The following DLG2 variants were observed in gnomAD, a reference collection of about 807,000 sequenced individuals.
DLG2 encodes the protein discs large MAGUK scaffold protein 2, also known as disks large homolog 2.
DLG2 carries 45 observed loss-of-function variants against 132.5 expected under a neutral mutation model. The observed-to-expected ratio is 0.34, with a 90% CI of 0.27 to 0.44. The LOEUF (loss-of-function observed/expected upper bound fraction) is 0.44. Ranked by LOEUF, DLG2 falls within the 20% of genes least tolerant of loss-of-function variation. The pLI is 1.00. For missense variants in DLG2, 1,045 were observed against 1,196.9 expected (o/e 0.87, Z 1.87); for synonymous variants, 424 against 419.6 (o/e 1.01, Z -0.13).
intron 8 of DLG2, among the ~76,000 whole-genome samples, chr11:84,243,043 T>G (rs1035940605): frequency 1.4e-5 from 2 of 139,918 alleles, no homozygotes; most frequent in African/African-American, 5.4e-5. Flanking sequence ...ATATATACAC[T>G]CTCACATATA....
chr11:84,161,575 C>G (rs2095546753), intron 9 of DLG2, among the ~76,000 whole-genome samples: 1 of 152,130 alleles, frequency 6.6e-6, no homozygotes, highest in Non-Finnish European at 1.5e-5. Flanking sequence ...CTAGAACCCA[C>G]AGTTGTCTGA....
intron 21 of DLG2, among the ~76,000 whole-genome samples, chr11:83,503,366 CATTT>C (rs1256860326): frequency 6.4e-5 from 3 of 47,066 alleles, no homozygotes; most frequent in East Asian, 7.7e-4. Context: ...CACACACACC[CATTT>C]ATATATATAT....
chr11:84,967,517 A>C (rs1409896123), intron 6 of DLG2, among the ~76,000 whole-genome samples: 5 of 152,160 alleles, frequency 3.3e-5, no homozygotes, highest in Non-Finnish European at 7.4e-5. Context: ...GGCAGATAGA[A>C]AATGTGTTGA....
intron 3 of DLG2, among the ~76,000 whole-genome samples, chr11:85,289,663 A>G (rs2078771718): frequency 6.6e-6 from 1 of 152,102 alleles, no homozygotes; most frequent in Non-Finnish European, 1.5e-5. Flanking sequence ...CTTACGACAT[A>G]CCTGCTTTGA....
At chr11:85,564,709 T>C (rs1598558885) in intron 3 of DLG2, among the ~76,000 whole-genome samples, 1 of 152,008 alleles carries the variant, frequency 6.6e-6, no homozygotes. Context: ...TCCTTCTTTT[T>C]CAAAACTGCT....
At chr11:84,906,248 T>C (rs1196332387) in intron 6 of DLG2, among the ~76,000 whole-genome samples, 1 of 151,284 alleles carries the variant, frequency 6.6e-6, no homozygotes, top group Non-Finnish European at 1.5e-5. Flanking sequence ...TGTTTTTTTT[T>C]TTTTTACATC....
chr11:83,662,084 G>C (rs1441803921), intron 18 of DLG2, among the ~76,000 whole-genome samples: 1 of 152,084 alleles, frequency 6.6e-6, no homozygotes, highest in Admixed American at 6.5e-5. Context: ...TAAGGAAACA[G>C]CAGCAGAAAG....
intron 14 of DLG2, among the ~76,000 whole-genome samples, chr11:83,940,684 T>G (rs961445087): frequency 1.3e-5 from 2 of 152,180 alleles, no homozygotes; most frequent in African/African-American, 4.8e-5. Flanking sequence ...TACCTCCTAT[T>G]TTAAAGGCAA....
intron 15 of DLG2, among the ~76,000 whole-genome samples, chr11:83,890,545 T>C (rs955213525): frequency 1.3e-5 from 2 of 152,180 alleles, no homozygotes; most frequent in African/African-American, 4.8e-5. Flanking sequence ...TGGGAACCAA[T>C]GGACTTGGGT....
rs2089001279 is a variant in DLG2 at position 83,456,495 on chromosome 11, AT to A, written c.*3322del. 2.0e-5 allele frequency: 3 copies of A among 152,808 alleles called. No individual in the cohort carries two copies. In the Admixed American group the frequency reaches 2.0e-4, roughly 10 times the overall value. The allele number at this position is 152,808 out of a possible 1,614,324, so 9.5% of individuals were successfully genotyped here. ...GATGTACGGGAGAAGATGATCAGAG[AT>A]TTGAGGAGAGGAGAAAGGACAGAAG... is the stretch of plus-strand genomic sequence containing the variant. On this transcript the variant is annotated 3_prime_UTR_variant, in exon 28 of 28. Transcript: ENST00000376104.
chr11:84,201,274 C>A (rs762344103), intron 8 of DLG2, among the ~76,000 whole-genome samples: 1 of 152,272 alleles, frequency 6.6e-6, no homozygotes, highest in African/African-American at 2.4e-5. Context: ...TTGAACCAAT[C>A]TTTTACCCCA....
chr11:83,466,653 T>C, intron 26 of DLG2, 55 bp downstream of exon 26: 1 of 976,422 alleles, frequency 1.0e-6, no homozygotes, highest in Non-Finnish European at 1.6e-6. Flanking sequence ...TAATTTTCAG[T>C]ATAATACAGA....
intron 15 of DLG2, among the ~76,000 whole-genome samples, chr11:83,907,451 A>T (rs1256664596): frequency 5.3e-5 from 8 of 152,148 alleles, no homozygotes; most frequent in Non-Finnish European, 5.9e-5. Flanking sequence ...TTAGGATGAT[A>T]GCATCCCTGG....
chr11:84,098,954 C>T lies in DLG2; in HGVS notation c.718G>A (p.Gly240Arg). 1 of 1,613,560 alleles carries T rather than the reference C, an allele frequency of 6.2e-7. No homozygotes were observed. Among genetic ancestry groups the T allele is most frequent in the Non-Finnish European group, 8.5e-7 (1 of 1,179,792 alleles). The change falls in exon 10 of 28, where the codon GGA (glycine) becomes AGA (arginine). Residue 240 changes from glycine to arginine, a missense_variant. Around this residue, in one of 4 missense-constraint regions of DLG2, gnomAD observed 109 missense variants for 159.1 expected, o/e 0.69. Coordinates refer to ENST00000376104, the MANE Select transcript of DLG2 (RefSeq NM_001142699.3). Reference protein sequence around the residue: ...PGIFITKIIPGGAAAEDGRLR... With the variant: ...PGIFITKIIPRGAAAEDGRLR... ...CTGCCATCCTCTGCTGCAGCACCTC[C>T]TGGTATAATCTTCGTAATAAATATG... is the stretch of plus-strand genomic sequence containing the variant.
chr11:84,493,737 T>C (rs2099171608), intron 7 of DLG2, among the ~76,000 whole-genome samples: 1 of 152,000 alleles, frequency 6.6e-6, no homozygotes, highest in Non-Finnish European at 1.5e-5. Flanking sequence ...AGGATAATAA[T>C]CTCTACTTTT....
intron 6 of DLG2, among the ~76,000 whole-genome samples, chr11:84,755,005 G>C (rs1254457292): frequency 6.6e-6 from 1 of 152,150 alleles, no homozygotes; most frequent in Non-Finnish European, 1.5e-5. Context: ...TTCATAGGAT[G>C]TTATGAGAAA....
At chr11:85,210,661 C>T (rs2082196676) in intron 4 of DLG2, among the ~76,000 whole-genome samples, 1 of 152,134 alleles carries the variant, frequency 6.6e-6, no homozygotes, top group Non-Finnish European at 1.5e-5. Flanking sequence ...CCTCTGCATG[C>T]TCTGAGGCCA....
chr11:83,564,340 T>TG (rs908263879), intron 19 of DLG2, among the ~76,000 whole-genome samples: 402 of 151,798 alleles, frequency 2.6e-3, no homozygotes, highest in African/African-American at 7.9e-3. Flanking sequence ...TGCACTGGAA[T>TG]GGGGGGGGTC....
intron 6 of DLG2, among the ~76,000 whole-genome samples, chr11:85,053,118 C>T (rs1377328955): frequency 1.3e-5 from 2 of 152,026 alleles, no homozygotes; most frequent in African/African-American, 2.4e-5. Context: ...CCTAGCTAAT[C>T]GACTATAAGG....
Sources: allele counts gnomAD v4.1 joint callset (sites outside exome capture counted in the v4.1 genomes callset), GRCh38; gene constraint gnomAD v4.1.1; regional missense constraint gnomAD v4.1.1; transcripts MANE v1.5; gene names NCBI Gene and HGNC (gene_info 2026-07-23, HGNC 2026-07-21).